The following UGT2A3 variants were observed in gnomAD, a reference collection of about 807,000 sequenced individuals.
The protein encoded by UGT2A3 is UDP glucuronosyltransferase family 2 member A3.
UGT2A3 carries 55 observed loss-of-function variants against 44.1 expected under a neutral mutation model. The ratio of observed to expected loss-of-function variants is 1.25; its 90% CI spans 1.00 to 1.56. The LOEUF (loss-of-function observed/expected upper bound fraction) is 1.56. Ranked by LOEUF, UGT2A3 falls within the 40% of genes most tolerant of loss-of-function variation. The pLI is 0.00. For missense variants in UGT2A3, 733 were observed against 621.6 expected, an observed-to-expected ratio of 1.18 and a Z score of -1.91; for synonymous variants, 243 against 215.1, an observed-to-expected ratio of 1.13 and a Z score of -1.13.
rs1717646413 is a variant in UGT2A3 at position 68,929,694 on chromosome 4, A to G, written c.*119T>C. On this transcript the variant is annotated 3_prime_UTR_variant, in exon 6 of 6. Coordinates refer to ENST00000251566, the MANE Select transcript of UGT2A3 (RefSeq NM_024743.4). ...CCTCATGATCGTGGAATTCTAGGCT[A>G]TATAGCTAAGATAAAATAACAGAAT... 5 of 955,868 alleles carry G rather than the reference A, an allele frequency of 5.2e-6. No individual in the cohort carries two copies. In the East Asian group the frequency reaches 9.7e-5, roughly 19 times the overall value. 59.2% of individuals were successfully genotyped at this position (955,868 alleles called of 1,614,324 possible). A position where few individuals can be genotyped will look rare whatever the true frequency, so the allele number is the denominator to read the frequency against.
rs71615092 is a variant in UGT2A3 at position 68,935,274 on chromosome 4, A to G, written c.865-2515T>C. The stretch of plus-strand genomic sequence containing the variant: ...CAAGGAGGTGTGTATGTATGTATGT[A>G]TGTATATATATATATATATATATAT... On this transcript the variant is annotated intron_variant, in intron 2 of 5. Coordinates refer to ENST00000251566, the MANE Select transcript of UGT2A3 (RefSeq NM_024743.4). Among the ~76,000 whole-genome samples, 139 of 20,032 alleles carry G rather than the reference A, an allele frequency of 6.9e-3. 2 individuals are homozygous for G. Among genetic ancestry groups the G allele is most frequent in the African/African-American group, 0.022 (118 of 5,380 alleles). The allele number at this position is 20,032 out of a possible 152,430, so 13.1% of individuals were successfully genotyped here.
intron 5 of UGT2A3, among the ~76,000 whole-genome samples, chr4:68,930,329 A>C (rs762748653): frequency 6.6e-6 from 1 of 152,090 alleles, no homozygotes; most frequent in African/African-American, 2.4e-5. Flanking sequence ...AAAGCTTAGT[A>C]AGCCAGTTGT....
Position 68,951,122 on chromosome 4 carries a change from C to T in UGT2A3, c.639G>A (p.Met213Ile). The T allele has an allele frequency of 2.5e-6, 4 of 1,611,364 alleles. No homozygotes were observed. The South Asian group carries it at 4.4e-5, about 18-fold the overall frequency. The change falls in exon 1 of 6, where the codon ATG (methionine) becomes ATA (isoleucine). Residue 213 changes from methionine (M) to isoleucine (I), a missense_variant. Physicochemically the swap from Met to Ile is conservative, Grantham distance 10 (BLOSUM62 1). Transcript: ENST00000251566. ...MTFLERVKNS[M>I]LSVLFHFWIQ... ...TCCAGAAGTGGAACAAAACTGAAAGCATTGAATTTTTTACTCTTTCCAGAA... is the reference window on the plus strand; with the variant it reads ...TCCAGAAGTGGAACAAAACTGAAAGTATTGAATTTTTTACTCTTTCCAGAA...
chr4:68,947,159 T>G (rs976786404), intron 1 of UGT2A3, among the ~76,000 whole-genome samples: 2 of 151,726 alleles, frequency 1.3e-5, no homozygotes, highest in Non-Finnish European at 2.9e-5. Context: ...TTACCCATAG[T>G]AGAATTTCTT....
At chr4:68,936,680 C>T (rs569394475) in intron 2 of UGT2A3, among the ~76,000 whole-genome samples, 2 of 152,004 alleles carry the variant, frequency 1.3e-5, no homozygotes, top group South Asian at 4.2e-4. Flanking sequence ...CAGCTAACAT[C>T]ACAATGACAG....
intron 2 of UGT2A3, among the ~76,000 whole-genome samples, chr4:68,940,202 G>A (rs1478409565): frequency 6.6e-6 from 1 of 152,034 alleles, no homozygotes; most frequent in Non-Finnish European, 1.5e-5. Context: ...TACTGGGTAT[G>A]TACACAAAGG....
At chr4:68,949,455 C>G (rs1369570715) in intron 1 of UGT2A3, among the ~76,000 whole-genome samples, 1 of 151,776 alleles carries the variant, frequency 6.6e-6, no homozygotes, top group African/African-American at 2.4e-5. Flanking sequence ...AAGGTGCCCC[C>G]AAGCTAATAA....
chr4:68,948,493 T>C (rs918570761), intron 1 of UGT2A3, among the ~76,000 whole-genome samples: 8 of 138,396 alleles, frequency 5.8e-5, no homozygotes, highest in African/African-American at 1.9e-4. Context: ...TAGGTTGGAG[T>C]GCAGTGGAGC....
rs1197119492 is a variant in UGT2A3 at position 68,951,477 on chromosome 4, A to G, written c.284T>C (p.Leu95Pro). ...EENEIFVDLA[L>P]NVLPGLSTWQ... ...GGTTGATAAGCCTGGCAAGACATTC[A>G]GAGCTAGGTCAACAAATATTTCATT... Residue 95 changes from leucine (L) to proline (P), a missense_variant, in exon 1 of 6, where the codon CTG becomes CCG. Coordinates refer to ENST00000251566, the MANE Select transcript of UGT2A3 (RefSeq NM_024743.4). 6.2e-7 allele frequency: 1 copy of G among 1,612,616 alleles called. No individual in the cohort carries two copies. The highest frequency in any genetic ancestry group is 1.1e-5 in the South Asian group (1 of 91,018).
chr4:68,945,448 G>T lies in UGT2A3; in HGVS notation c.722C>A (p.Pro241His). Residue 241 changes from proline to histidine, a missense_variant, in exon 2 of 6, where the codon CCC becomes CAC. By Grantham distance (77) the Pro-to-His change is moderately conservative. Transcript: ENST00000251566. The part of the protein sequence containing the change: ...EEFYSKALGR[P>H]TTLCETVGKA... Reference sequence around the variant, plus strand: ...TCCCACAGTCTCACATAATGTAGTGGGCCTTCCTCAATAAAAGAAATAACA... The same window carrying T: ...TCCCACAGTCTCACATAATGTAGTGTGCCTTCCTCAATAAAAGAAATAACA... 2 of 1,596,510 alleles carry T rather than the reference G, an allele frequency of 1.3e-6. No individual in the cohort carries two copies. Among genetic ancestry groups the T allele is most frequent in the Non-Finnish European group, 1.7e-6 (2 of 1,171,502 alleles).
At chr4:68,945,217 T>G in intron 2 of UGT2A3, 89 bp downstream of exon 2, 1 of 1,486,858 alleles carries the variant, frequency 6.7e-7, no homozygotes, top group Non-Finnish European at 9.3e-7. Flanking sequence ...ACATTCAACA[T>G]CATCCTTCTA....
rs1394108356 is a variant in UGT2A3 at position 68,929,759 on chromosome 4, G to A, written c.*54C>T. 5 of 1,436,402 alleles carry A rather than the reference G, an allele frequency of 3.5e-6. No individual in the cohort carries two copies. Among genetic ancestry groups the A allele is most frequent in the African/African-American group, 1.4e-5 (1 of 70,190 alleles). 89.0% of individuals were successfully genotyped at this position (1,436,402 alleles called of 1,614,324 possible). ...TAGCAAGGTTTTCACCAAATTCTATGTGGCTGGAATTAACAGGATTACCCC... is the reference window on the plus strand; with the variant it reads ...TAGCAAGGTTTTCACCAAATTCTATATGGCTGGAATTAACAGGATTACCCC... On this transcript the variant is annotated 3_prime_UTR_variant, in exon 6 of 6. Transcript: ENST00000251566.
intron 2 of UGT2A3, among the ~76,000 whole-genome samples, chr4:68,934,681 A>G (rs1349109300): frequency 6.6e-6 from 1 of 151,768 alleles, no homozygotes; most frequent in African/African-American, 2.4e-5. Context: ...AGAATAGCTT[A>G]GTAAGAACCC....
At chr4:68,949,883 T>G (rs919631174) in intron 1 of UGT2A3, among the ~76,000 whole-genome samples, 2 of 151,894 alleles carry the variant, frequency 1.3e-5, no homozygotes, top group Admixed American at 1.3e-4. Flanking sequence ...ATGAATTTCT[T>G]ATATATCAAG....
At chr4:68,942,246 T>C (rs547988331) in intron 2 of UGT2A3, among the ~76,000 whole-genome samples, 1 of 150,706 alleles carries the variant, frequency 6.6e-6, no homozygotes, top group Admixed American at 6.7e-5. Flanking sequence ...AAGAAATACA[T>C]AAAGAAAATA....
intron 3 of UGT2A3, 113 bp from the exon 4 acceptor site, chr4:68,931,355 CAG>C (rs1305729602): frequency 2.5e-6 from 2 of 806,510 alleles, no homozygotes; most frequent in East Asian, 2.7e-5. Flanking sequence ...ATGGTTGAGA[CAG>C]GGGTGTGTAG....
intron 1 of UGT2A3, among the ~76,000 whole-genome samples, chr4:68,946,447 G>A (rs573180937): frequency 6.6e-6 from 1 of 151,654 alleles, no homozygotes; most frequent in East Asian, 2.0e-4. Flanking sequence ...TACTCAGTTT[G>A]AAGTTATCAG....
chr4:68,938,228 C>A (rs962394063), intron 2 of UGT2A3, among the ~76,000 whole-genome samples: 1 of 152,026 alleles, frequency 6.6e-6, no homozygotes, highest in East Asian at 1.9e-4. Context: ...CGTCCTGATA[C>A]CAAAGCCTGG....
rs1405204741 is a variant in UGT2A3 at position 68,928,922 on chromosome 4, A to G, written c.*891T>C. On this transcript the variant is annotated 3_prime_UTR_variant, in exon 6 of 6. Coordinates refer to ENST00000251566, the MANE Select transcript of UGT2A3 (RefSeq NM_024743.4). Reference sequence around the variant, plus strand: ...AGAACAAGCATCTCTTTATTTTTCTACAGTAAATTATACTTTTGATTATAG... The same window carrying G: ...AGAACAAGCATCTCTTTATTTTTCTGCAGTAAATTATACTTTTGATTATAG... The G allele has an allele frequency of 6.6e-6, 1 of 152,074 alleles. No individual in the cohort carries two copies. Among genetic ancestry groups the G allele is most frequent in the Non-Finnish European group, 1.5e-5 (1 of 67,982 alleles). The allele number at this position is 152,074 out of a possible 1,614,324, so 9.4% of individuals were successfully genotyped here.
Sources: gnomAD v4.1 joint callset for allele counts (sites outside exome capture counted in the v4.1 genomes callset) on GRCh38, gnomAD v4.1.1 for gene constraint, MANE v1.5 for transcripts, NCBI Gene and HGNC (gene_info 2026-07-23, HGNC 2026-07-21) for gene names.